Variants in FER1L5 observed in about 807,000 individuals in gnomAD.
FER1L5 encodes the protein fer-1-like protein 5.
A neutral mutation model predicts 279.9 loss-of-function variants in FER1L5; 187 were observed. That is an observed-to-expected ratio of 0.67 (90% CI 0.59 to 0.75). The LOEUF is 0.75. Ranked by LOEUF, FER1L5 falls within the 30% of genes least tolerant of loss-of-function variation. FER1L5 has a pLI of 0.00. For missense variants in FER1L5, 2,091 were observed against 2,594.4 expected (o/e 0.81, Z 4.21); for synonymous variants, 921 against 989.7 (o/e 0.93, Z 1.30).
intron 19 of FER1L5, among the ~76,000 whole-genome samples, chr2:96,681,340 G>A (rs1005378212): frequency 1.3e-5 from 2 of 152,056 alleles, no homozygotes; most frequent in East Asian, 1.9e-4. Context: ...GAGTGAGACC[G>A]TGTCTCAACC....
At position 96,703,235 on chromosome 2, in the gene FER1L5, C is replaced by G; in HGVS notation, c.5580C>G (p.Asp1860Glu). ...KQCSIRMMDA[D>E]PKWPYFIQYK... is the part of the protein sequence containing the mutation. ...GCTCCATCAGGATGATGGACGCCGA[C>G]CCCAAGTGGCCCTATTTCATCCAAT... is the stretch of plus-strand genomic sequence containing the variant. The change falls in exon 50 of 53, where the codon GAC (aspartate) becomes GAG (glutamate). Residue 1860 changes from aspartate (D) to glutamate (E), a missense_variant. Asp to Glu is a conservative substitution (Grantham distance 45). Coordinates refer to ENST00000624922, the MANE Select transcript of FER1L5 (RefSeq NM_001293083.2). The G allele has an allele frequency of 6.8e-6, 11 of 1,613,948 alleles. No homozygotes were observed. The highest frequency in any genetic ancestry group is 9.3e-6 in the Non-Finnish European group (11 of 1,179,878).
chr2:96,651,775 G>A lies in FER1L5; in HGVS notation c.505-117G>A, dbSNP rs150348728. On this transcript the variant is annotated intron_variant, in intron 6 of 52. Coordinates refer to ENST00000624922, the MANE Select transcript of FER1L5 (RefSeq NM_001293083.2). ...TCCCACCTCGGCCTCCCAAAGTGCT[G>A]GGATTACAGGCATGAGCCACTCATT... The A allele has an allele frequency of 5.3e-5, 76 of 1,431,822 alleles. 1 individual carries two copies. Among genetic ancestry groups the A allele is most frequent in the African/African-American group, 4.3e-5 (3 of 70,490 alleles). 88.7% of individuals were successfully genotyped at this position (1,431,822 alleles called of 1,614,324 possible). A position where few individuals can be genotyped will look rare whatever the true frequency, so the allele number is the denominator to read the frequency against.
In FER1L5 at chr2:96,691,758, C is replaced by G. The variant is rs2153284581; in HGVS notation, c.3076-67C>G. Reference sequence around the variant, plus strand: ...GTGGCAGTGTGAGGGAGGAGGGTGACTGGGCCTGGGCTAGAGGAAACAGGA... The same window carrying G: ...GTGGCAGTGTGAGGGAGGAGGGTGAGTGGGCCTGGGCTAGAGGAAACAGGA... On this transcript the variant is annotated intron_variant, in intron 29 of 52. Coordinates refer to ENST00000624922, the MANE Select transcript of FER1L5 (RefSeq NM_001293083.2). This position sits in a 1 kb window ranked among gnomAD's most constrained non-coding sequence, Gnocchi z 6.0. 2 of 1,551,496 alleles carry G rather than the reference C, an allele frequency of 1.3e-6. No individual in the cohort carries two copies. The highest frequency in any genetic ancestry group is 2.4e-5 in the South Asian group (2 of 84,016).
chr2:96,704,149 G>A, intron 51 of FER1L5, 66 bp from the exon 52 acceptor site: 2 of 1,576,956 alleles, frequency 1.3e-6, no homozygotes, highest in Non-Finnish European at 1.7e-6. Flanking sequence ...AAAGCTCTTT[G>A]CATCAGATTA....
chr2:96,653,693 C>G lies in FER1L5; in HGVS notation c.687C>G (p.Ile229Met). 2 of 1,551,160 alleles carry G rather than the reference C, an allele frequency of 1.3e-6. No homozygotes were observed. Among genetic ancestry groups the G allele is most frequent in the Non-Finnish European group, 1.7e-6 (2 of 1,146,874 alleles). The change falls in exon 8 of 53, where the codon ATC (isoleucine) becomes ATG (methionine). Residue 229 changes from isoleucine (I) to methionine (M), a missense_variant. By Grantham distance (10) the Ile-to-Met change is conservative. Coordinates refer to ENST00000624922, the MANE Select transcript of FER1L5 (RefSeq NM_001293083.2). The stretch of plus-strand genomic sequence containing the variant: ...CTGCAAAGTTCTTTGATGAGACCAT[C>G]TTAATCCAGGTGAGGAGCCAAACTG... ...EVPAKFFDET[I>M]LIQVVNSSAM...
intron 9 of FER1L5, among the ~76,000 whole-genome samples, chr2:96,656,794 G>C (rs1270742181): frequency 2.0e-5 from 3 of 150,062 alleles, no homozygotes; most frequent in East Asian, 1.9e-4. Flanking sequence ...AAGGAAACTG[G>C]GTAGTTGGAC....
chr2:96,679,685 A>G (rs1027774035), intron 19 of FER1L5, among the ~76,000 whole-genome samples: 7 of 152,104 alleles, frequency 4.6e-5, no homozygotes, highest in Admixed American at 6.5e-5. Context: ...ACTCTGTTCC[A>G]TTGTTTAATT....
At chr2:96,685,827 TG>T in intron 21 of FER1L5, 112 bp from the exon 22 acceptor site, 2 of 1,310,080 alleles carry the variant, frequency 1.5e-6, no homozygotes, top group African/African-American at 1.5e-5. Flanking sequence ...TAGCAGCAGA[TG>T]GGGGCAGGAT....
chr2:96,677,777 A>C, intron 19 of FER1L5, among the ~76,000 whole-genome samples: 1 of 151,842 alleles, frequency 6.6e-6, no homozygotes, highest in East Asian at 1.9e-4. Context: ...AGGCAGGAGA[A>C]TTGCTTGAAC....
intron 21 of FER1L5, 59 bp downstream of exon 21, chr2:96,685,488 G>T: frequency 6.9e-7 from 1 of 1,441,394 alleles, no homozygotes; most frequent in Non-Finnish European, 9.4e-7. Flanking sequence ...ATCTGGGCCT[G>T]GGGACTCAGC....
chr2:96,681,738 T>A (rs1360484536), intron 19 of FER1L5, among the ~76,000 whole-genome samples: 2 of 152,032 alleles, frequency 1.3e-5, no homozygotes, highest in African/African-American at 4.8e-5. Context: ...CCATAATTTA[T>A]CCTTTCTACT....
Position 96,689,244 on chromosome 2 carries a change from G to A in FER1L5, c.2393G>A (p.Trp798Ter), listed in dbSNP as rs776360123. 1 of 1,550,494 alleles carries A rather than the reference G, an allele frequency of 6.4e-7. No individual in the cohort carries two copies. Among genetic ancestry groups the A allele is most frequent in the Non-Finnish European group, 8.7e-7 (1 of 1,146,670 alleles). Residue 798 changes from tryptophan (W) to a stop codon, truncating the protein, a stop_gained, in exon 25 of 53, where the codon TGG (tryptophan) becomes TAG (stop). Transcript: ENST00000624922. LOFTEE classifies it high-confidence loss of function. The surrounding 1 kb of genome is among the most constrained non-coding windows in gnomAD (Gnocchi z 4.6). ...YENQAKYKDQWGQQGLYHCPN... is the reference protein window; with the variant it reads ...YENQAKYKDQ ...AATCAGGCCAAGTATAAAGACCAGTGGGGGCAGCAGGGGCTGTATCACTGC... is the reference window on the plus strand; with the variant it reads ...AATCAGGCCAAGTATAAAGACCAGTAGGGGCAGCAGGGGCTGTATCACTGC...
intron 10 of FER1L5, among the ~76,000 whole-genome samples, chr2:96,660,831 G>A (rs1229977750): frequency 6.6e-6 from 1 of 152,204 alleles, no homozygotes; most frequent in African/African-American, 2.4e-5. Flanking sequence ...TGGGATTATA[G>A]GCATGAGCCA....
rs2075975777 is a variant in FER1L5 at position 96,662,085 on chromosome 2, G to A, written c.1019-130G>A. The A allele has an allele frequency of 5.4e-6, 5 of 933,788 alleles. No homozygotes were observed. The Admixed American group carries it at 8.7e-5, about 16-fold the overall frequency. The allele number at this position is 933,788 out of a possible 1,614,324, so 57.8% of individuals were successfully genotyped here. On this transcript the variant is annotated intron_variant, in intron 12 of 52. Coordinates refer to ENST00000624922, the MANE Select transcript of FER1L5 (RefSeq NM_001293083.2). ...AAGAAGAAGGGGCATGGTGGGAACT[G>A]GAGACAGGTCTGCCCAGGGGGCACC...
intron 14 of FER1L5, 112 bp downstream of exon 14, chr2:96,663,619 A>G: frequency 8.5e-7 from 1 of 1,175,732 alleles, no homozygotes; most frequent in Non-Finnish European, 1.2e-6. Flanking sequence ...AAGCATGGCA[A>G]GGGGGACTCT....
At position 96,649,692 on chromosome 2, in the gene FER1L5, G is replaced by C; in HGVS notation, c.394+15G>C. On this transcript the variant is annotated intron_variant, in intron 5 of 52. Coordinates refer to ENST00000624922, the MANE Select transcript of FER1L5 (RefSeq NM_001293083.2). ...TGAGAAGACAGGTATGTCCTTCCCT[G>C]GAGCTTACCCTTAAGGGCCTACCCT... 6.4e-7 allele frequency: 1 copy of C among 1,551,320 alleles called. No individual in the cohort carries two copies.
intron 14 of FER1L5, among the ~76,000 whole-genome samples, chr2:96,667,432 C>G (rs1040647176): frequency 6.6e-6 from 1 of 151,292 alleles, no homozygotes; most frequent in African/African-American, 2.4e-5. Context: ...ACTGCAACCT[C>G]CTCTTCCCGG....
intron 9 of FER1L5, among the ~76,000 whole-genome samples, chr2:96,657,666 T>TA (rs2075653241): frequency 6.6e-6 from 1 of 152,198 alleles, no homozygotes; most frequent in African/African-American, 2.4e-5. Flanking sequence ...TATTAATAGA[T>TA]AAGTATTTCC....
chr2:96,647,679 C>A, intron 3 of FER1L5, 99 bp from the exon 4 acceptor site: 1 of 844,520 alleles, frequency 1.2e-6, no homozygotes, highest in Non-Finnish European at 1.9e-6. Context: ...ACAGCACAGC[C>A]CTGGGAGGAA....
Sources: gnomAD v4.1 joint callset for allele counts (sites outside exome capture counted in the v4.1 genomes callset) on GRCh38, gnomAD v4.1.1 for gene constraint, Gnocchi (gnomAD v3.1) non-coding constraint, MANE v1.5 for transcripts, NCBI Gene and HGNC (gene_info 2026-07-23, HGNC 2026-07-21) for gene names.